Variants in NGLY1 observed in about 807,000 individuals in gnomAD.
NGLY1 encodes peptide-N(4)-(N-acetyl-beta-glucosaminyl)asparagine amidase.
In NGLY1, 68 loss-of-function variants were observed where a neutral mutation model predicts 84.6. The ratio of observed to expected loss-of-function variants is 0.80; its 90% confidence interval spans 0.66 to 0.98. The LOEUF (loss-of-function observed/expected upper bound fraction) is 0.98, where lower values mean the gene tolerates loss of function less well. NGLY1 is among the 50% of genes least tolerant of loss of function. The pLI is 0.00. For missense variants in NGLY1, 779 were observed against 770.2 expected (o/e 1.01, Z -0.14); for synonymous variants, 280 against 275.2 (o/e 1.02, Z -0.17).
exon 1 of NGLY1, chr3:25,789,869 G>T (rs1290789491): frequency 6.4e-6 from 10 of 1,551,596 alleles, no homozygotes. Context: ...ACCTCATCGC[G>T]TTATTGGCAG....
upstream of NGLY1, chr3:25,783,465 G>T (rs974156373): frequency 2.2e-5 from 30 of 1,348,986 alleles, no homozygotes; most frequent in Middle Eastern, 2.8e-4. The surrounding 1 kb of genome is among the most constrained non-coding windows in gnomAD (Gnocchi z 4.5). Flanking sequence ...TCAGCGCGCA[G>T]CAGCTACCGC....
At chr3:25,734,967 A>G in intron 7 of NGLY1, 1 of 498,192 alleles carries the variant, frequency 2.0e-6, no homozygotes, top group Non-Finnish European at 2.6e-6. Flanking sequence ...TGGAAAGACA[A>G]TTCAATGGAG....
intron 8 of NGLY1, among the ~76,000 whole-genome samples, chr3:25,733,060 A>G (rs960599978): frequency 2.0e-5 from 3 of 152,218 alleles, no homozygotes; most frequent in African/African-American, 7.2e-5. Context: ...TCAAAGCAGA[A>G]TTTTTAGCAG....
intron 2 of NGLY1, among the ~76,000 whole-genome samples, chr3:25,772,170 T>C (rs998430837): frequency 2.0e-5 from 3 of 152,220 alleles, no homozygotes; most frequent in African/African-American, 7.2e-5. Context: ...GAGTTTGTCA[T>C]ACAAAGTTTT....
At chr3:25,741,653 A>T (rs1706153458) in intron 4 of NGLY1, among the ~76,000 whole-genome samples, 1 of 152,124 alleles carries the variant, frequency 6.6e-6, no homozygotes, top group Admixed American at 6.6e-5. Context: ...AGCTACACTA[A>T]AGAACTCTGG....
chr3:25,783,682 CGGGGGGCAAGGGGCTGTTCGGAAGAAGGT>C (rs1708534914), upstream of NGLY1: 2 of 240,988 alleles, frequency 8.3e-6, no homozygotes, highest in South Asian at 3.6e-4. The surrounding 1 kb of genome is among the most constrained non-coding windows in gnomAD (Gnocchi z 4.5). Flanking sequence ...TGCCCCTTCG[CGGGGGGCAAGGGGCTGTTCGGAAGAAGGT>C]GGGGGGCCTC....
At chr3:25,734,208 G>A in intron 7 of NGLY1, 1 of 408,678 alleles carries the variant, frequency 2.4e-6, no homozygotes, top group Non-Finnish European at 4.3e-6. Flanking sequence ...TGGGACTATA[G>A]GCATGCACCA....
intron 4 of NGLY1, chr3:25,749,910 A>C: frequency 1.4e-6 from 1 of 734,444 alleles, no homozygotes; most frequent in South Asian, 1.6e-5. Flanking sequence ...GCTCATGTGC[A>C]TGTTTTGTGT....
chr3:25,733,467 G>A (rs1014186529), intron 8 of NGLY1, among the ~76,000 whole-genome samples: 2 of 6,608 alleles, frequency 3.0e-4, no homozygotes, highest in Non-Finnish European at 4.3e-4. Flanking sequence ...TCACATGGAC[G>A]TGTGTGTGTG....
chr3:25,784,226 A>G (rs1039946695), upstream of NGLY1: 1 of 152,204 alleles, frequency 6.6e-6, no homozygotes, highest in Non-Finnish European at 1.5e-5. Context: ...CTCAACTAGT[A>G]TATGATTCCT....
At chr3:25,764,380 C>T in intron 2 of NGLY1, 69 bp from the exon 3 acceptor site, 5 of 1,480,858 alleles carry the variant, frequency 3.4e-6, no homozygotes, top group Non-Finnish European at 4.6e-6. Flanking sequence ...TGCACACACA[C>T]ACAGAAATGT....
In NGLY1 at chr3:25,780,975, A is replaced by AT. The variant is rs796770435; in HGVS notation, c.131+2284dup. Among the ~76,000 whole-genome samples, 68 of 149,044 alleles carry AT rather than the reference A, an allele frequency of 4.6e-4. 1 individual carries two copies. Among genetic ancestry groups the AT allele is most frequent in the African/African-American group, 1.3e-3 (54 of 40,568 alleles). On this transcript the variant is annotated intron_variant, in intron 1 of 11. Transcript: ENST00000280700. Reference sequence around the variant, plus strand: ...TTTTCCTCTTTAGTTTCTAGTGAGCATTTTTTTTTTCTTTTTTGAGAAAGG... The same window carrying AT: ...TTTTCCTCTTTAGTTTCTAGTGAGCATTTTTTTTTTTCTTTTTTGAGAAAGG...
chr3:25,725,618 T>C (rs1235016106), intron 10 of NGLY1, among the ~76,000 whole-genome samples: 2 of 152,146 alleles, frequency 1.3e-5, no homozygotes, highest in African/African-American at 2.4e-5. Context: ...AGGAAGATCA[T>C]GTTAGAATTG....
chr3:25,749,229 A>C (rs1381770873), intron 4 of NGLY1, among the ~76,000 whole-genome samples: 1 of 152,246 alleles, frequency 6.6e-6, no homozygotes, highest in Non-Finnish European at 1.5e-5. Context: ...AAGATCCAGC[A>C]GTTTCACTTC....
chr3:25,744,950 C>G (rs1706344472), intron 4 of NGLY1, among the ~76,000 whole-genome samples: 1 of 151,428 alleles, frequency 6.6e-6, no homozygotes, highest in South Asian at 2.1e-4. Flanking sequence ...AGACTGACTA[C>G]TTCCATAATT....
chr3:25,754,728 C>A (rs1706941821), intron 3 of NGLY1, among the ~76,000 whole-genome samples: 1 of 146,878 alleles, frequency 6.8e-6, no homozygotes. Context: ...GTTTTGGTGA[C>A]TGTACTATGA....
intron 2 of NGLY1, among the ~76,000 whole-genome samples, chr3:25,774,249 C>T (rs1708041074): frequency 6.6e-6 from 1 of 152,170 alleles, no homozygotes; most frequent in African/African-American, 2.4e-5. Context: ...TGGCCCCCAG[C>T]CAGAAGGTGA....
upstream of NGLY1, among the ~76,000 whole-genome samples, chr3:25,787,606 C>T (rs1708633022): frequency 6.6e-6 from 1 of 152,160 alleles, no homozygotes; most frequent in Non-Finnish European, 1.5e-5. Context: ...GTAAGAGAGA[C>T]TCCAGTGAAG....
intron 2 of NGLY1, among the ~76,000 whole-genome samples, chr3:25,767,333 AC>A (rs1559553814): frequency 6.6e-6 from 1 of 152,152 alleles, no homozygotes. Flanking sequence ...CTAGTATTTA[AC>A]AAATTTGTTT....
Sources: allele counts gnomAD v4.1 joint callset (sites outside exome capture counted in the v4.1 genomes callset), GRCh38; gene constraint gnomAD v4.1.1; non-coding constraint Gnocchi (gnomAD v3.1); transcripts MANE v1.5; gene names NCBI Gene and HGNC (gene_info 2026-07-23, HGNC 2026-07-21).